GRB2: variants seen among roughly 807,000 people sequenced by gnomAD.
GRB2 encodes growth factor receptor-bound protein 2.
GRB2 carries 2 observed loss-of-function variants against 27.4 expected under a neutral mutation model. The observed-to-expected ratio is 0.07, with a 90% CI of 0.03 to 0.23. GRB2 has a LOEUF of 0.23. GRB2 is among the 10% of genes least tolerant of loss of function. The probability of loss-of-function intolerance (pLI) is 1.00; values close to 1 mark genes in which losing one functional copy is unlikely to be tolerated. For missense variants in GRB2, 102 were observed against 282.4 expected, an observed-to-expected ratio of 0.36 and a Z score of 4.58; for synonymous variants, 94 against 99.6, an observed-to-expected ratio of 0.94 and a Z score of 0.33.
At chr17:75,353,215 T>C (rs1419238422) in intron 2 of GRB2, among the ~76,000 whole-genome samples, 3 of 150,502 alleles carry the variant, frequency 2.0e-5, no homozygotes, top group Non-Finnish European at 4.4e-5. Context: ...CAGTTGTACC[T>C]TGTATTCATG....
At chr17:75,384,883 C>T (rs2078952382) in intron 2 of GRB2, among the ~76,000 whole-genome samples, 1 of 150,982 alleles carries the variant, frequency 6.6e-6, no homozygotes, top group African/African-American at 2.4e-5. Context: ...CTAGTTTGAC[C>T]TCATTTGTGT....
intron 2 of GRB2, among the ~76,000 whole-genome samples, chr17:75,368,686 G>A (rs749987265): frequency 6.6e-6 from 1 of 151,732 alleles, no homozygotes; most frequent in Admixed American, 6.6e-5. Context: ...CAGGGACTAC[G>A]GGCACATGCA....
At chr17:75,351,152 AG>A (rs2078689897) in intron 2 of GRB2, among the ~76,000 whole-genome samples, 2 of 152,102 alleles carry the variant, frequency 1.3e-5, no homozygotes, top group South Asian at 4.1e-4. Flanking sequence ...AGATTAGGGT[AG>A]GGGGCTTCTG....
intron 2 of GRB2, among the ~76,000 whole-genome samples, chr17:75,381,550 T>C (rs918451461): frequency 2.7e-5 from 4 of 150,492 alleles, no homozygotes; most frequent in Non-Finnish European, 5.9e-5. Flanking sequence ...AACCCTCGTC[T>C]CTACTAAAAA....
At chr17:75,346,992 T>A (rs1709244074) in intron 2 of GRB2, among the ~76,000 whole-genome samples, 2 of 152,070 alleles carry the variant, frequency 1.3e-5, no homozygotes, top group African/African-American at 2.4e-5. Flanking sequence ...GGGCATTCAT[T>A]CTCCCAGCTC....
intron 2 of GRB2, among the ~76,000 whole-genome samples, chr17:75,355,544 G>A (rs2078726201): frequency 7.1e-6 from 1 of 140,646 alleles, no homozygotes; most frequent in Non-Finnish European, 1.5e-5. Flanking sequence ...GGGCCATACT[G>A]GAAAAAAAAA....
intron 2 of GRB2, among the ~76,000 whole-genome samples, chr17:75,335,997 T>A (rs1290488302): frequency 6.6e-6 from 1 of 152,216 alleles, no homozygotes; most frequent in Non-Finnish European, 1.5e-5. Context: ...AAAGTGCGCT[T>A]GAACCCTGCC....
intron 5 of GRB2, among the ~76,000 whole-genome samples, chr17:75,321,036 T>C (rs192956487): frequency 1.9e-4 from 29 of 152,122 alleles, no homozygotes; most frequent in African/African-American, 7.0e-4. Flanking sequence ...ACAAGCATAG[T>C]TTTCCTCATA....
chr17:75,382,439 G>A (rs186822168), intron 2 of GRB2, among the ~76,000 whole-genome samples: 1 of 152,238 alleles, frequency 6.6e-6, no homozygotes, highest in Non-Finnish European at 1.5e-5. Context: ...TCTGGATTTT[G>A]GAATATTTGC....
chr17:75,351,919 T>C (rs1173335628), intron 2 of GRB2, among the ~76,000 whole-genome samples: 1 of 152,208 alleles, frequency 6.6e-6, no homozygotes, highest in African/African-American at 2.4e-5. Context: ...CACGTATAGT[T>C]ACTTCACTTC....
chr17:75,365,346 A>C (rs1055356376), intron 2 of GRB2, among the ~76,000 whole-genome samples: 2 of 152,354 alleles, frequency 1.3e-5, no homozygotes, highest in East Asian at 3.9e-4. Context: ...AGAACCATTT[A>C]AATCTTCCTG....
At chr17:75,400,185 T>G (rs113794936) in intron 1 of GRB2, among the ~76,000 whole-genome samples, 3,264 of 152,032 alleles carry the variant, frequency 0.021, 125 homozygotes, top group African/African-American at 0.074. Context: ...TACATACTCC[T>G]TTTTTTGAGA....
chr17:75,384,595 G>A (rs1159128412), intron 2 of GRB2, among the ~76,000 whole-genome samples: 3 of 152,090 alleles, frequency 2.0e-5, no homozygotes, highest in African/African-American at 4.8e-5. Context: ...GCTTGAACCC[G>A]GGAGGTGGAG....
chr17:75,373,280 A>C (rs2078867790), intron 2 of GRB2: 1 of 152,206 alleles, frequency 6.6e-6, no homozygotes, highest in Non-Finnish European at 1.5e-5. Context: ...GTATTTCCTT[A>C]AGCAAGAGTG....
rs2145816070 is a variant in GRB2 at position 75,320,395 on chromosome 17, A to G, written c.627T>C (p.Tyr209=). 5.0e-6 allele frequency: 8 copies of G among 1,614,134 alleles called. No individual in the cohort carries two copies. The East Asian group carries it at 8.9e-5, about 18-fold the overall frequency. ...HGQTGMFPRN[Y]VTPVNRNV is the part of the protein sequence containing the mutation. ...AGACGTTCCGGTTCACGGGGGTGAC[A>G]TAATTGCGGGGAAACATGCCGGTCT... Residue 209 remains tyrosine, a synonymous_variant, in exon 6 of 6, where the codon TAT becomes TAC. Transcript: ENST00000316804. The surrounding 1 kb of genome is among the most constrained non-coding windows in gnomAD (Gnocchi z 4.3).
chr17:75,372,311 G>C (rs991484869), intron 2 of GRB2: 1 of 152,266 alleles, frequency 6.6e-6, no homozygotes, highest in Admixed American at 6.6e-5. Context: ...GGTGAAGAAG[G>C]GGTTTGGGAA....
intron 3 of GRB2, among the ~76,000 whole-genome samples, chr17:75,329,569 ACT>A (rs2078525358): frequency 6.6e-6 from 1 of 152,170 alleles, no homozygotes; most frequent in South Asian, 2.1e-4. Context: ...AAAAACCACA[ACT>A]CTGTTATAAG....
intron 2 of GRB2, among the ~76,000 whole-genome samples, chr17:75,381,272 A>G (rs1014912111): frequency 6.6e-6 from 1 of 152,206 alleles, no homozygotes; most frequent in African/African-American, 2.4e-5. Flanking sequence ...GAGATCTGAA[A>G]TAGTAAAAAT....
intron 2 of GRB2, among the ~76,000 whole-genome samples, chr17:75,345,112 C>T (rs905314023): frequency 2.0e-4 from 31 of 152,178 alleles, no homozygotes; most frequent in Admixed American, 1.6e-3. Flanking sequence ...GGCGCAATCT[C>T]GGCTCACTGC....
Sources: gnomAD v4.1 joint callset for allele counts (sites outside exome capture counted in the v4.1 genomes callset) on GRCh38, gnomAD v4.1.1 for gene constraint, Gnocchi (gnomAD v3.1) non-coding constraint, MANE v1.5 for transcripts, NCBI Gene and HGNC (gene_info 2026-07-23, HGNC 2026-07-21) for gene names.